The following TAFA2 variants were observed in gnomAD, a reference collection of about 807,000 sequenced individuals.
TAFA2 encodes chemokine-like protein TAFA-2.
A neutral mutation model predicts 18.8 loss-of-function variants in TAFA2; 7 were observed. The observed-to-expected ratio is 0.37, with a 90% confidence interval of 0.21 to 0.70. The LOEUF is 0.70. TAFA2 is among the 30% of genes least tolerant of loss of function. The pLI, the probability that TAFA2 is intolerant of heterozygous loss-of-function variation, is 0.53. For missense variants in TAFA2, 122 were observed against 158.1 expected (o/e 0.77, Z 1.23); for synonymous variants, 60 against 54.2 (o/e 1.11, Z -0.47).
chr12:62,211,966 A>G (rs2062715981), intron 1 of TAFA2, among the ~76,000 whole-genome samples: 1 of 152,256 alleles, frequency 6.6e-6, no homozygotes, highest in South Asian at 2.1e-4. Context: ...TCTACTTTAC[A>G]TTTCAAAGTA....
intron 1 of TAFA2, among the ~76,000 whole-genome samples, chr12:62,139,267 C>A (rs2062222170): frequency 1.3e-5 from 2 of 152,272 alleles, no homozygotes; most frequent in African/African-American, 4.8e-5. Flanking sequence ...TGTGCTGTCA[C>A]AAACAGGGCT....
intron 4 of TAFA2, among the ~76,000 whole-genome samples, chr12:61,735,206 T>C (rs12305869): frequency 0.026 from 3,950 of 152,142 alleles, 165 homozygotes; most frequent in African/African-American, 0.09. Flanking sequence ...TTAGCAATAG[T>C]ATTTGCTGCA....
At chr12:62,030,627 AG>A (rs1198982152) in intron 1 of TAFA2, among the ~76,000 whole-genome samples, 1 of 152,214 alleles carries the variant, frequency 6.6e-6, no homozygotes, top group African/African-American at 2.4e-5. Flanking sequence ...CAGCAACCTT[AG>A]GGAGAGCCAG....
At chr12:62,205,636 GT>G (rs2062688646) in intron 1 of TAFA2, among the ~76,000 whole-genome samples, 2 of 152,322 alleles carry the variant, frequency 1.3e-5, no homozygotes, top group African/African-American at 2.4e-5. Context: ...GTGCTGCACT[GT>G]GGGGAATTCC....
chr12:62,198,888 T>C (rs528284755), intron 1 of TAFA2, among the ~76,000 whole-genome samples: 7 of 152,232 alleles, frequency 4.6e-5, no homozygotes, highest in South Asian at 2.1e-4. Context: ...ACACATGCCA[T>C]GGAGATAAGT....
intron 1 of TAFA2, among the ~76,000 whole-genome samples, chr12:62,088,278 A>T (rs1311178457): frequency 1.3e-5 from 2 of 151,946 alleles, no homozygotes; most frequent in East Asian, 3.9e-4. Flanking sequence ...ATCCCAATTC[A>T]GTAGCTATGT....
chr12:61,958,486 G>A (rs947801197), intron 1 of TAFA2, among the ~76,000 whole-genome samples: 5 of 151,764 alleles, frequency 3.3e-5, no homozygotes, highest in Non-Finnish European at 7.4e-5. Flanking sequence ...AATAATTTGT[G>A]CTACCAGTTT....
chr12:62,171,496 C>A (rs1205106995), intron 1 of TAFA2, among the ~76,000 whole-genome samples: 2 of 152,140 alleles, frequency 1.3e-5, no homozygotes, highest in East Asian at 1.9e-4. Context: ...GGGGTCCTGG[C>A]CCTCAAAATC....
In TAFA2 at chr12:61,783,747, C is replaced by G. The variant is rs536610089; in HGVS notation, c.107-28723G>C. 1.2e-3 allele frequency among the ~76,000 whole-genome samples: 189 copies of G among 151,426 alleles called. 1 individual carries two copies. Among genetic ancestry groups the G allele is most frequent in the African/African-American group, 4.5e-3 (185 of 41,392 alleles). ...TTTAACTCATTGAAATTCTTACATC[C>G]TAAGAAAAAATCAACAACTCTACTG... On this transcript the variant is annotated intron_variant, in intron 2 of 4. Transcript: ENST00000416284.
chr12:61,882,291 G>T (rs996742391), intron 1 of TAFA2, among the ~76,000 whole-genome samples: 4 of 152,194 alleles, frequency 2.6e-5, no homozygotes, highest in Admixed American at 2.6e-4. Flanking sequence ...CAGATGTCTT[G>T]AGCTAGAAGT....
chr12:61,719,666 T>C (rs1869811080), intron 4 of TAFA2, among the ~76,000 whole-genome samples: 1 of 152,156 alleles, frequency 6.6e-6, no homozygotes, highest in South Asian at 2.1e-4. Context: ...ATCAATTAAA[T>C]TATTTATTGC....
chr12:62,006,708 C>T (rs1163878495), intron 1 of TAFA2, among the ~76,000 whole-genome samples: 1 of 152,122 alleles, frequency 6.6e-6, no homozygotes, highest in Non-Finnish European at 1.5e-5. Context: ...ATATCAATTG[C>T]AAGCACTGAC....
chr12:61,771,107 G>C (rs1026194469), intron 2 of TAFA2, among the ~76,000 whole-genome samples: 1 of 151,680 alleles, frequency 6.6e-6, no homozygotes, highest in Admixed American at 6.6e-5. Flanking sequence ...TCTTACATCA[G>C]ACAAAACCGA....
chr12:61,797,168 G>A (rs868740421), intron 2 of TAFA2, among the ~76,000 whole-genome samples: 10 of 152,206 alleles, frequency 6.6e-5, no homozygotes, highest in South Asian at 2.1e-4. Context: ...AGTTTACGTA[G>A]CATCACACAC....
At chr12:61,772,443 C>T (rs550923890) in intron 2 of TAFA2, among the ~76,000 whole-genome samples, 1 of 151,854 alleles carries the variant, frequency 6.6e-6, no homozygotes, top group South Asian at 2.1e-4. Context: ...AACTACAGAC[C>T]AATGTCCCTG....
At chr12:61,791,356 G>A (rs1870970982) in intron 2 of TAFA2, among the ~76,000 whole-genome samples, 1 of 151,544 alleles carries the variant, frequency 6.6e-6, no homozygotes, top group South Asian at 2.1e-4. Flanking sequence ...AAAGAAATGG[G>A]ATTACATCAA....
intron 1 of TAFA2, among the ~76,000 whole-genome samples, chr12:62,109,139 CTTGAG>C (rs1418633675): frequency 6.6e-6 from 1 of 152,122 alleles, no homozygotes; most frequent in African/African-American, 2.4e-5. Context: ...TTTAATTCAT[CTTGAG>C]TTAATTTTTG....
At position 61,889,508 on chromosome 12, in the gene TAFA2, A is replaced by C. The variant is rs867771710; in HGVS notation, c.-1-22082T>G. Among the ~76,000 whole-genome samples the C allele has an allele frequency of 3.3e-5, 5 of 152,234 alleles. No individual in the cohort carries two copies. The South Asian group carries it at 6.2e-4, about 19-fold the overall frequency. ...TTGTTCTATACCTTGCATTTAATGTAGTTCCAGACACAAACTAGGTTCTCA... is the reference window on the plus strand; with the variant it reads ...TTGTTCTATACCTTGCATTTAATGTCGTTCCAGACACAAACTAGGTTCTCA... On this transcript the variant is annotated intron_variant, in intron 1 of 4. Coordinates refer to ENST00000416284, the MANE Select transcript of TAFA2 (RefSeq NM_178539.5).
At chr12:61,729,795 C>T (rs925939395) in intron 4 of TAFA2, among the ~76,000 whole-genome samples, 2 of 152,034 alleles carry the variant, frequency 1.3e-5, no homozygotes, top group Admixed American at 6.6e-5. Context: ...TGTTATGGAA[C>T]CTTATTTTGT....
Sources: gnomAD v4.1 joint callset for allele counts (sites outside exome capture counted in the v4.1 genomes callset) on GRCh38, gnomAD v4.1.1 for gene constraint, MANE v1.5 for transcripts, NCBI Gene and HGNC (gene_info 2026-07-23, HGNC 2026-07-21) for gene names.